Variants in UNC13D observed in about 807,000 individuals in gnomAD.
The protein encoded by UNC13D is protein unc-13 homolog D.
Under a neutral mutation model 151.7 loss-of-function variants are expected in UNC13D, and 115 were observed. The observed-to-expected ratio is 0.76, with a 90% CI of 0.65 to 0.88. UNC13D has a LOEUF of 0.88. Among genes scored for constraint, UNC13D ranks in the 40% least tolerant of loss-of-function variants. The pLI is 0.00. For missense variants in UNC13D, 1,369 were observed against 1,438.7 expected, an observed-to-expected ratio of 0.95 and a Z score of 0.78; for synonymous variants, 588 against 612.2, an observed-to-expected ratio of 0.96 and a Z score of 0.58.
intron 2 of UNC13D, 65 bp from the exon 3 acceptor site, chr17:75,843,331 T>C (rs1357006884): frequency 3.1e-6 from 5 of 1,593,474 alleles, no homozygotes; most frequent in African/African-American, 1.3e-5. Flanking sequence ...CCTCTCGCCA[T>C]GGGCAGGACA....
Position 75,842,940 on chromosome 17 carries a change from G to A in UNC13D, c.322-17C>T, listed in dbSNP as rs773144371. Reference sequence around the variant, plus strand: ...TATTGGCTTCTGGAGGGACAGGAGGGATGGCCTGAGTCCCTGAGGGGGCTG... The same window carrying A: ...TATTGGCTTCTGGAGGGACAGGAGGAATGGCCTGAGTCCCTGAGGGGGCTG... On this transcript the variant is annotated splice_polypyrimidine_tract_variant and intron_variant, in intron 4 of 31. Transcript: ENST00000207549. 6.2e-7 allele frequency: 1 copy of A among 1,613,310 alleles called. No homozygotes were observed. The highest frequency in any genetic ancestry group is 1.7e-5 in the Admixed American group (1 of 60,026).
chr17:75,836,157 A>AC (rs780638146), intron 16 of UNC13D, 43 bp downstream of exon 16: 1 of 1,610,526 alleles, frequency 6.2e-7, no homozygotes, highest in Non-Finnish European at 8.5e-7. Context: ...GGCAGGCACC[A>AC]CCCCCCGTGA....
chr17:75,830,470 A>G lies in UNC13D; in HGVS notation c.2722T>C (p.Ser908Pro), dbSNP rs1016063236. ...SRIQQQAETT[S>P]EELGAVTVKA... The stretch of plus-strand genomic sequence containing the variant: ...ACTGTCACAGCCCCCAGCTCCTCAG[A>G]GGTGGTTTCTGCCTGGGGTGGGGAG... The change falls in exon 29 of 32, where the codon TCT becomes CCT. Residue 908 changes from serine (S) to proline (P), a missense_variant. Ser to Pro is a moderately conservative substitution (Grantham distance 74). Around this residue, in one of 3 missense-constraint regions of UNC13D, gnomAD observed 807 missense variants for 795.5 expected, o/e 1.01. Coordinates refer to ENST00000207549, the MANE Select transcript of UNC13D (RefSeq NM_199242.3). The G allele has an allele frequency of 6.3e-7, 1 of 1,591,170 alleles. No homozygotes were observed. The highest frequency in any genetic ancestry group is 1.3e-5 in the African/African-American group (1 of 74,618).
intron 1 of UNC13D, chr17:75,843,965 T>G: frequency 1.4e-6 from 2 of 1,398,510 alleles, no homozygotes; most frequent in Non-Finnish European, 1.9e-6. Flanking sequence ...GAGTAGGGGA[T>G]GGGGTCAGGC....
chr17:75,835,776 A>T lies in UNC13D; in HGVS notation c.1598T>A (p.Val533Glu). 1 of 1,613,938 alleles carries T rather than the reference A, an allele frequency of 6.2e-7. No individual in the cohort carries two copies. Residue 533 changes from valine to glutamate, a missense_variant and splice_region_variant, in exon 19 of 32, where the codon GTG (valine) becomes GAG (glutamate). Physicochemically the swap from Val to Glu is moderately radical, Grantham distance 121. Transcript: ENST00000207549. ...SMAFRELQWL[V>E]AKRVQDHTTV... Reference sequence around the variant, plus strand: ...CGTGTGGTCCTGCACCCGCTTGGCCACCTGCAAAGGAAAGGTGTGGAGGGC... The same window carrying T: ...CGTGTGGTCCTGCACCCGCTTGGCCTCCTGCAAAGGAAAGGTGTGGAGGGC...
In UNC13D at chr17:75,842,496, T is replaced by C; in HGVS notation, c.506A>G (p.Glu169Gly). The C allele has an allele frequency of 1.2e-6, 2 of 1,613,342 alleles. No individual in the cohort carries two copies. Among genetic ancestry groups the C allele is most frequent in the South Asian group, 1.1e-5 (1 of 91,068 alleles). ...GGTGATGACCTGCGTGCGGTGGGTCTCCTCCTCGGGGATGGTGTGCCTCAC... is the reference window on the plus strand; with the variant it reads ...GGTGATGACCTGCGTGCGGTGGGTCCCCTCCTCGGGGATGGTGTGCCTCAC... ...AVVRHTIPEE[E>G]THRTQVITQT... Residue 169 changes from glutamate to glycine, a missense_variant, in exon 6 of 32, where the codon GAG becomes GGG. This residue lies in a region of UNC13D where 550 missense variants were observed against 609.0 expected (regional missense o/e 0.90). Coordinates refer to ENST00000207549, the MANE Select transcript of UNC13D (RefSeq NM_199242.3).
At chr17:75,838,609 T>G (rs7221792) in intron 12 of UNC13D, among the ~76,000 whole-genome samples, 69,110 of 151,994 alleles carry the variant, frequency 0.45, 19,171 homozygotes, top group African/African-American at 0.79. Context: ...TGACGTGAGT[T>G]GCCCTCAACA....
In UNC13D at chr17:75,840,450, C is replaced by A; in HGVS notation, c.753+57G>T. 2 of 1,611,638 alleles carry A rather than the reference C, an allele frequency of 1.2e-6. No homozygotes were observed. The highest frequency in any genetic ancestry group is 1.1e-5 in the South Asian group (1 of 91,008). On this transcript the variant is annotated intron_variant, in intron 9 of 31. Transcript: ENST00000207549. The surrounding 1 kb of genome is among the most constrained non-coding windows in gnomAD (Gnocchi z 4.6). ...AGGACACAGAGCCTCTCCCCAGAAC[C>A]CCTCCCAACCCCCTCCCTCTGCCTC...
In UNC13D at chr17:75,840,702, T is replaced by G; in HGVS notation, c.683+60A>C. 6.2e-7 allele frequency: 1 copy of G among 1,610,032 alleles called. No homozygotes were observed. Among genetic ancestry groups the G allele is most frequent in the Non-Finnish European group, 8.5e-7 (1 of 1,176,672 alleles). ...TGCACCCCAGCATCCAGTGTGCATG[T>G]TGGGGGATGGAGGGCAAAAGGAGCC... On this transcript the variant is annotated intron_variant, in intron 8 of 31. Transcript: ENST00000207549. This position sits in a 1 kb window ranked among gnomAD's most constrained non-coding sequence, Gnocchi z 4.6.
chr17:75,840,293 C>T lies in UNC13D; in HGVS notation c.790G>A (p.Glu264Lys). ...RCREDQWYPL[E>K]PRTETYPDRG... is the part of the protein sequence containing the mutation. ...TCTGGGTAGGTCTCAGTGCGGGGTT[C>T]CAGGGGGTACCACTGGTCCTCTCGG... is the stretch of plus-strand genomic sequence containing the variant. The change falls in exon 10 of 32, where the codon GAA becomes AAA. Residue 264 changes from glutamate to lysine, a missense_variant. By Grantham distance (56) the Glu-to-Lys change is moderately conservative. Around this residue, in one of 3 missense-constraint regions of UNC13D, gnomAD observed 550 missense variants for 609.0 expected, o/e 0.90. Transcript: ENST00000207549. This position sits in a 1 kb window ranked among gnomAD's most constrained non-coding sequence, Gnocchi z 4.6. 6.2e-7 allele frequency: 1 copy of T among 1,613,904 alleles called. No homozygotes were observed. Among genetic ancestry groups the T allele is most frequent in the Non-Finnish European group, 8.5e-7 (1 of 1,180,006 alleles).
At chr17:75,830,324 G>T (rs141576434) in intron 29 of UNC13D, 38 bp downstream of exon 29, 3 of 1,586,000 alleles carry the variant, frequency 1.9e-6, no homozygotes, top group Non-Finnish European at 8.6e-7. Flanking sequence ...GGGCCAGGAC[G>T]GGACCATGGA....
In UNC13D at chr17:75,833,234, A is replaced by G; in HGVS notation, c.2368-189T>C. 1.8e-6 allele frequency: 1 copy of G among 567,080 alleles called. No homozygotes were observed. The highest frequency in any genetic ancestry group is 3.3e-6 in the Non-Finnish European group (1 of 305,230). 35.1% of individuals were successfully genotyped at this position (567,080 alleles called of 1,614,324 possible). On this transcript the variant is annotated intron_variant, in intron 24 of 31. Coordinates refer to ENST00000207549, the MANE Select transcript of UNC13D (RefSeq NM_199242.3). The surrounding 1 kb of genome is among the most constrained non-coding windows in gnomAD (Gnocchi z 4.0). ...CTCCGTTGCTCAGCCTGTCCCAGCC[A>G]CACTGGCCTCCTCTACAGCCCTGGA...
chr17:75,830,069 G>A lies in UNC13D; in HGVS notation c.2913C>T (p.His971=). The A allele has an allele frequency of 6.3e-7, 1 of 1,577,728 alleles. No homozygotes were observed. The highest frequency in any genetic ancestry group is 8.6e-7 in the Non-Finnish European group (1 of 1,161,506). ...PELAARETQK[H]KKDLHPLFDE... Reference sequence around the variant, plus strand: ...CAAACAATGGGTGAAGGTCCTTCTTGTGCTTCTGGGTCTCCCGGGCGGCCA... The same window carrying A: ...CAAACAATGGGTGAAGGTCCTTCTTATGCTTCTGGGTCTCCCGGGCGGCCA... Residue 971 remains histidine, a synonymous_variant, in exon 30 of 32, where the codon CAC becomes CAT. Transcript: ENST00000207549.
At position 75,827,488 on chromosome 17, in the gene UNC13D, C is replaced by T. The variant is rs973263443; in HGVS notation, c.*477G>A. ...GCCCCCTCTAGTAATGGCCACCACCCTCCCCCCAGGGCAGCTGGAGCCTCA... is the reference window on the plus strand; with the variant it reads ...GCCCCCTCTAGTAATGGCCACCACCTTCCCCCCAGGGCAGCTGGAGCCTCA... On this transcript the variant is annotated 3_prime_UTR_variant, in exon 32 of 32. Coordinates refer to ENST00000207549, the MANE Select transcript of UNC13D (RefSeq NM_199242.3). 5.4e-6 allele frequency: 8 copies of T among 1,494,788 alleles called. No individual in the cohort carries two copies. The highest frequency in any genetic ancestry group is 2.2e-5 in the Admixed American group (1 of 45,662). 92.6% of individuals were successfully genotyped at this position (1,494,788 alleles called of 1,614,324 possible). A position where few individuals can be genotyped will look rare whatever the true frequency, so the allele number is the denominator to read the frequency against.
rs762853468 is a variant in UNC13D, at chr17:75,840,599, A to AG, written c.684-24dup. 7.4e-6 allele frequency: 12 copies of AG among 1,613,730 alleles called. No homozygotes were observed. The Admixed American group carries it at 1.8e-4, about 25-fold the overall frequency. On this transcript the variant is annotated intron_variant, in intron 8 of 31. Coordinates refer to ENST00000207549, the MANE Select transcript of UNC13D (RefSeq NM_199242.3). This position sits in a 1 kb window ranked among gnomAD's most constrained non-coding sequence, Gnocchi z 4.6. The stretch of plus-strand genomic sequence containing the variant: ...ATCCTGCGTCAGGCAGGGTCCCATA[A>AG]GGGGGACGCAGCAAGGGTCGGAAGG...
rs1382625659 is a variant in UNC13D at position 75,836,251 on chromosome 17, G to A, written c.1395C>T (p.Gly465=). The A allele has an allele frequency of 5.0e-6, 8 of 1,612,694 alleles. No homozygotes were observed. The Admixed American group carries it at 1.0e-4, about 20-fold the overall frequency. Residue 465 remains glycine, a synonymous_variant, in exon 16 of 32, where the codon GGC becomes GGT. Coordinates refer to ENST00000207549, the MANE Select transcript of UNC13D (RefSeq NM_199242.3). The part of the protein sequence containing the change: ...PQLVTEALQT[G]TTEWFHLKQQ... Reference sequence around the variant, plus strand: ...GCTTCAGGTGGAACCATTCAGTGGTGCCAGTCTGTCGACAAAGAGGCAGTG... The same window carrying A: ...GCTTCAGGTGGAACCATTCAGTGGTACCAGTCTGTCGACAAAGAGGCAGTG...
intron 27 of UNC13D, 120 bp from the exon 28 acceptor site, chr17:75,830,781 C>T: frequency 1.6e-6 from 2 of 1,270,874 alleles, no homozygotes; most frequent in Non-Finnish European, 2.2e-6. Context: ...AGTATTGGGT[C>T]ATGGGACAAC....
rs1439860676 is a variant in UNC13D, at chr17:75,832,395, T to C, written c.2447+571A>G. 6.5e-6 allele frequency: 1 copy of C among 154,044 alleles called. No homozygotes were observed. Among genetic ancestry groups the C allele is most frequent in the Non-Finnish European group, 1.4e-5 (1 of 69,126 alleles). The allele number at this position is 154,044 out of a possible 1,614,324, so 9.5% of individuals were successfully genotyped here. A position where few individuals can be genotyped will look rare whatever the true frequency, so the allele number is the denominator to read the frequency against. ...ACTACTCTCATCTGCACCGGGAACT[T>C]GCCCAAGGCTGCTAAGCAGTGATGA... On this transcript the variant is annotated intron_variant, in intron 25 of 31. Transcript: ENST00000207549. The surrounding 1 kb of genome is among the most constrained non-coding windows in gnomAD (Gnocchi z 4.3).
intron 12 of UNC13D, among the ~76,000 whole-genome samples, chr17:75,839,034 AG>A (rs2064929318): frequency 6.6e-6 from 1 of 151,868 alleles, no homozygotes; most frequent in African/African-American, 2.4e-5. Context: ...CAGGAGGCGG[AG>A]CCTGCAGTGA....
Sources: allele counts gnomAD v4.1 joint callset (sites outside exome capture counted in the v4.1 genomes callset), GRCh38; gene constraint gnomAD v4.1.1; regional missense constraint gnomAD v4.1.1; non-coding constraint Gnocchi (gnomAD v3.1); transcripts MANE v1.5; gene names NCBI Gene and HGNC (gene_info 2026-07-23, HGNC 2026-07-21).